Variants in SEC63 observed in about 807,000 individuals in gnomAD.
SEC63 encodes the protein SEC63 protein translocation regulator.
In SEC63, 56 loss-of-function variants were observed where a neutral mutation model predicts 116.2. The observed-to-expected ratio is 0.48, with a 90% CI of 0.39 to 0.60. The LOEUF (loss-of-function observed/expected upper bound fraction) is 0.60, where lower values mean the gene tolerates loss of function less well. Among genes scored for constraint, SEC63 ranks in the 20% least tolerant of loss-of-function variants. The pLI, the probability that SEC63 is intolerant of heterozygous loss-of-function variation, is 0.00. For missense variants in SEC63, 668 were observed against 900.0 expected, an observed-to-expected ratio of 0.74 and a Z score of 3.30; for synonymous variants, 273 against 294.6, an observed-to-expected ratio of 0.93 and a Z score of 0.75.
At chr6:107,901,565 C>T (rs778375284) in intron 12 of SEC63, 48 bp from the exon 13 acceptor site, 4 of 1,380,224 alleles carry the variant, frequency 2.9e-6, no homozygotes, top group Non-Finnish European at 4.0e-6. Flanking sequence ...ACTCACAAAG[C>T]TTTTCATAAA....
intron 19 of SEC63, among the ~76,000 whole-genome samples, chr6:107,873,237 T>C (rs1279150677): frequency 3.3e-5 from 5 of 152,112 alleles, no homozygotes; most frequent in Admixed American, 3.3e-4. Context: ...TATAAAAGCA[T>C]AAGTAAATGA....
chr6:107,928,317 T>C (rs1787721220), intron 2 of SEC63, among the ~76,000 whole-genome samples: 1 of 151,266 alleles, frequency 6.6e-6, no homozygotes, highest in Admixed American at 6.6e-5. Flanking sequence ...ACCCCATCCC[T>C]ATAAAAAATA....
chr6:107,881,078 A>T, intron 18 of SEC63, 71 bp downstream of exon 18: 1 of 1,121,428 alleles, frequency 8.9e-7, no homozygotes, highest in Non-Finnish European at 1.4e-6. Context: ...CAGAGGGCTA[A>T]AAGTCAACTG....
chr6:107,940,180 T>C (rs1562338536), intron 1 of SEC63, among the ~76,000 whole-genome samples: 1 of 144,180 alleles, frequency 6.9e-6, no homozygotes, highest in East Asian at 2.0e-4. Context: ...GTTCTTGAAC[T>C]AAAAAAAAAA....
chr6:107,901,534 A>T lies in SEC63; in HGVS notation c.1210-17T>A. On this transcript the variant is annotated splice_polypyrimidine_tract_variant and intron_variant, in intron 12 of 20. Coordinates refer to ENST00000369002, the MANE Select transcript of SEC63 (RefSeq NM_007214.5). ...AATTTTATACTGAATAAAAAAAAAA[A>T]AGAAAATACATAATTCCCTAACTCA... The T allele has an allele frequency of 6.7e-7, 1 of 1,498,940 alleles. No individual in the cohort carries two copies. Among genetic ancestry groups the T allele is most frequent in the Non-Finnish European group, 9.2e-7 (1 of 1,089,914 alleles). 92.9% of individuals were successfully genotyped at this position (1,498,940 alleles called of 1,614,324 possible).
At chr6:107,893,446 G>A (rs1461337034) in intron 16 of SEC63, 36 bp downstream of exon 16, 1 of 1,583,430 alleles carries the variant, frequency 6.3e-7, no homozygotes, top group Non-Finnish European at 8.7e-7. Flanking sequence ...GTATATTTTA[G>A]CTTAATAATG....
chr6:107,923,708 TTTG>T (rs1035285979), intron 3 of SEC63, among the ~76,000 whole-genome samples: 9 of 147,658 alleles, frequency 6.1e-5, no homozygotes, highest in African/African-American at 2.4e-4. Flanking sequence ...TTTTTTTTTT[TTTG>T]ATACAGCCTG....
At chr6:107,878,700 A>G (rs898468860) in intron 18 of SEC63, among the ~76,000 whole-genome samples, 6 of 152,260 alleles carry the variant, frequency 3.9e-5, no homozygotes, top group Middle Eastern at 3.4e-3. Context: ...TACTAAAAAT[A>G]CAACATCAGC....
intron 18 of SEC63, among the ~76,000 whole-genome samples, chr6:107,880,417 C>A (rs2114402318): frequency 6.6e-6 from 1 of 152,260 alleles, no homozygotes; most frequent in Non-Finnish European, 1.5e-5. Context: ...GACCTCTACT[C>A]CAGACAGAAT....
intron 16 of SEC63, among the ~76,000 whole-genome samples, chr6:107,884,934 A>G (rs959404752): frequency 1.9e-4 from 29 of 152,174 alleles, no homozygotes; most frequent in Non-Finnish European, 4.4e-5. Context: ...AAGTGGAAAA[A>G]AAAAAAAACC....
chr6:107,934,519 A>C (rs1770144272), intron 1 of SEC63, among the ~76,000 whole-genome samples: 4 of 118,210 alleles, frequency 3.4e-5, no homozygotes, highest in African/African-American at 1.0e-4. Flanking sequence ...TCCGCCCGGC[A>C]GCCGCCCCGT....
At chr6:107,921,253 G>C (rs1046904612) in intron 4 of SEC63, among the ~76,000 whole-genome samples, 11 of 151,230 alleles carry the variant, frequency 7.3e-5, no homozygotes, top group Non-Finnish European at 8.8e-5. Flanking sequence ...TAATCAAAAT[G>C]CTAATAAAAT....
chr6:107,951,972 CAAA>C (rs796395901), intron 1 of SEC63, among the ~76,000 whole-genome samples: 4 of 100,952 alleles, frequency 4.0e-5, no homozygotes, highest in Admixed American at 1.1e-4. Context: ...GACTCCATCT[CAAA>C]AAAAAAAAAA....
intron 14 of SEC63, among the ~76,000 whole-genome samples, chr6:107,894,979 T>C (rs1185934098): frequency 1.3e-5 from 2 of 152,190 alleles, no homozygotes; most frequent in African/African-American, 4.8e-5. Flanking sequence ...GTATGACTTA[T>C]AAAACCTAAA....
At chr6:107,947,511 G>A (rs1249774348) in intron 1 of SEC63, among the ~76,000 whole-genome samples, 3 of 151,552 alleles carry the variant, frequency 2.0e-5, no homozygotes, top group Non-Finnish European at 4.4e-5. Flanking sequence ...GATTGAGGTT[G>A]CAGTGGAGCA....
chr6:107,917,787 G>C (rs1787445879), intron 4 of SEC63, among the ~76,000 whole-genome samples: 1 of 152,196 alleles, frequency 6.6e-6, no homozygotes, highest in Non-Finnish European at 1.5e-5. Context: ...AGCTGCAGAA[G>C]CTAGCAGATG....
intron 2 of SEC63, among the ~76,000 whole-genome samples, chr6:107,928,311 C>T (rs1245862773): frequency 1.3e-5 from 2 of 151,556 alleles, no homozygotes; most frequent in African/African-American, 2.4e-5. Flanking sequence ...GGTGAAACCC[C>T]ATCCCTATAA....
chr6:107,903,205 A>T (rs1433956127), intron 11 of SEC63, among the ~76,000 whole-genome samples: 4 of 152,188 alleles, frequency 2.6e-5, no homozygotes, highest in Non-Finnish European at 5.9e-5. Context: ...ACAACCATTG[A>T]TTTAAAAGAA....
intron 1 of SEC63, among the ~76,000 whole-genome samples, chr6:107,944,648 G>A (rs1029123986): frequency 7.2e-5 from 11 of 151,816 alleles, no homozygotes; most frequent in Non-Finnish European, 1.0e-4. Flanking sequence ...AGTGAGCCGC[G>A]ATCACACCAC....
Sources: allele counts gnomAD v4.1 joint callset (sites outside exome capture counted in the v4.1 genomes callset), GRCh38; gene constraint gnomAD v4.1.1; transcripts MANE v1.5; gene names NCBI Gene and HGNC (gene_info 2026-07-23, HGNC 2026-07-21).